Variants in NEBL observed in about 807,000 individuals in gnomAD.
NEBL encodes LIM and SH3 protein 2.
Under a neutral mutation model 140.2 loss-of-function variants are expected in NEBL, and 122 were observed. The observed-to-expected ratio is 0.87, with a 90% CI of 0.75 to 1.01. The LOEUF is 1.01. Ranked by LOEUF, NEBL falls within the 50% of genes least tolerant of loss-of-function variation. The pLI is 0.00. For synonymous variants in NEBL, 436 were observed against 398.9 expected (o/e 1.09, Z -1.11); for missense variants, 1,365 against 1,231.3 (o/e 1.11, Z -1.62).
intron 2 of NEBL, among the ~76,000 whole-genome samples, chr10:21,067,257 C>T (rs1042131214): frequency 3.3e-5 from 5 of 152,062 alleles, no homozygotes; most frequent in African/African-American, 4.8e-5. Flanking sequence ...AGGTGTGAGC[C>T]ACCGCGCCCA....
At chr10:20,883,338 A>G (rs560680616) in intron 4 of NEBL, among the ~76,000 whole-genome samples, 5 of 152,262 alleles carry the variant, frequency 3.3e-5, no homozygotes, top group Admixed American at 2.6e-4. Context: ...AGCACCTCAC[A>G]TTGTTCCAAG....
chr10:20,868,806 T>A, intron 6 of NEBL, 41 bp from the exon 7 acceptor site: 1 of 1,348,852 alleles, frequency 7.4e-7, no homozygotes, highest in Non-Finnish European at 1.1e-6. Context: ...ATTTCTACCC[T>A]CCAATGATGA....
At chr10:20,809,267 AT>A (rs370263195) in intron 25 of NEBL, among the ~76,000 whole-genome samples, 5 of 152,188 alleles carry the variant, frequency 3.3e-5, no homozygotes, top group African/African-American at 1.2e-4. Flanking sequence ...CCAACTATTC[AT>A]TTTTTTGCCT....
In NEBL at chr10:20,868,695, T is replaced by C; in HGVS notation, c.653A>G (p.His218Arg). The C allele has an allele frequency of 1.9e-6, 3 of 1,612,376 alleles. No homozygotes were observed. Among genetic ancestry groups the C allele is most frequent in the Non-Finnish European group, 2.5e-6 (3 of 1,178,496 alleles). ...AGAAAGTTTAGAAGCTTCCACGGCATGTTCAAAATCTGGTCTTCCAATTAC... is the reference window on the plus strand; with the variant it reads ...AGAAAGTTTAGAAGCTTCCACGGCACGTTCAAAATCTGGTCTTCCAATTAC... The part of the protein sequence containing the change: ...PAVIGRPDFE[H>R]AVEASKLSSQ... The change falls in exon 7 of 28, where the codon CAT (histidine) becomes CGT (arginine). Residue 218 changes from histidine to arginine, a missense_variant. Transcript: ENST00000377122.
chr10:21,086,959 T>C (rs1836662523), intron 2 of NEBL, among the ~76,000 whole-genome samples: 1 of 151,808 alleles, frequency 6.6e-6, no homozygotes, highest in Admixed American at 6.6e-5. Flanking sequence ...ATCAATTTGG[T>C]TGTCTGCTCA....
At chr10:21,041,176 C>G (rs1174698345) in intron 2 of NEBL, among the ~76,000 whole-genome samples, 1 of 152,120 alleles carries the variant, frequency 6.6e-6, no homozygotes, top group African/African-American at 2.4e-5. Flanking sequence ...AGCATAATAC[C>G]TGATAGTTTT....
chr10:21,015,845 G>T (rs980636354), intron 3 of NEBL, among the ~76,000 whole-genome samples: 2 of 152,096 alleles, frequency 1.3e-5, no homozygotes, highest in African/African-American at 2.4e-5. Context: ...CTTTCATCTC[G>T]CCTGGATGTT....
At chr10:21,100,389 T>C (rs1403508559) in intron 2 of NEBL, among the ~76,000 whole-genome samples, 1 of 152,182 alleles carries the variant, frequency 6.6e-6, no homozygotes, top group Non-Finnish European at 1.5e-5. Flanking sequence ...CAAACTCTGC[T>C]CCATTGTCAG....
At chr10:20,796,464 A>T (rs74120663) in intron 26 of NEBL, among the ~76,000 whole-genome samples, 5,255 of 148,470 alleles carry the variant, frequency 0.035, 302 homozygotes, top group African/African-American at 0.12. Context: ...CATTAGTTGT[A>T]TTTTTAATTT....
chr10:21,271,767 C>G (rs1043193879), intron 1 of NEBL, among the ~76,000 whole-genome samples: 4 of 151,820 alleles, frequency 2.6e-5, no homozygotes, highest in Non-Finnish European at 5.9e-5. Flanking sequence ...CTCAAGTGAT[C>G]CACCCGCGTC....
intron 2 of NEBL, among the ~76,000 whole-genome samples, chr10:21,164,740 G>A (rs778202707): frequency 1.2e-4 from 18 of 152,112 alleles, no homozygotes; most frequent in Non-Finnish European, 2.4e-4. Context: ...GGTCCAATAC[G>A]GTGACTGAGA....
At chr10:20,799,249 G>A (rs1286760460) in intron 26 of NEBL, among the ~76,000 whole-genome samples, 2 of 152,068 alleles carry the variant, frequency 1.3e-5, no homozygotes, top group Admixed American at 6.6e-5. Flanking sequence ...TCCACCTCCC[G>A]GGTTCAAGTG....
intron 16 of NEBL, among the ~76,000 whole-genome samples, chr10:20,830,200 T>C (rs1245503826): frequency 1.3e-5 from 2 of 152,232 alleles, no homozygotes; most frequent in Non-Finnish European, 1.5e-5. Context: ...ATGGTTAATG[T>C]CCTTGCTTAT....
chr10:20,816,691 T>G (rs1256367074), intron 21 of NEBL, among the ~76,000 whole-genome samples: 1 of 152,250 alleles, frequency 6.6e-6, no homozygotes, highest in Admixed American at 6.5e-5. Context: ...ACCCAATCTA[T>G]ATGTTAATGA....
intron 3 of NEBL, among the ~76,000 whole-genome samples, chr10:21,214,542 CAT>C (rs1240278651): frequency 6.6e-6 from 1 of 151,422 alleles, no homozygotes; most frequent in Non-Finnish European, 1.5e-5. Context: ...CACATACACA[CAT>C]GCACACACAT....
At chr10:20,966,276 T>C (rs1165263044) in intron 3 of NEBL, among the ~76,000 whole-genome samples, 4 of 152,226 alleles carry the variant, frequency 2.6e-5, no homozygotes, top group African/African-American at 7.2e-5. Context: ...TCCTGCAACA[T>C]AGATTAGAAC....
intron 2 of NEBL, among the ~76,000 whole-genome samples, chr10:21,155,980 G>A (rs779809750): frequency 2.0e-5 from 3 of 152,162 alleles, no homozygotes; most frequent in Non-Finnish European, 4.4e-5. Flanking sequence ...AAGCAATATT[G>A]GGAACAGCCC....
At chr10:21,145,261 T>C (rs1839840233) in intron 2 of NEBL, among the ~76,000 whole-genome samples, 1 of 152,242 alleles carries the variant, frequency 6.6e-6, no homozygotes, top group Non-Finnish European at 1.5e-5. Flanking sequence ...CCTTCTGGCT[T>C]GGCAAAATCT....
At chr10:20,874,605 C>T (rs938434277) in intron 5 of NEBL, among the ~76,000 whole-genome samples, 2 of 152,160 alleles carry the variant, frequency 1.3e-5, no homozygotes, top group African/African-American at 4.8e-5. Context: ...AAGCCTCCAG[C>T]CCACTTATGC....
Sources: gnomAD v4.1 joint callset for allele counts (sites outside exome capture counted in the v4.1 genomes callset) on GRCh38, gnomAD v4.1.1 for gene constraint, MANE v1.5 for transcripts, NCBI Gene and HGNC (gene_info 2026-07-23, HGNC 2026-07-21) for gene names.